Variants in GANC observed in about 807,000 individuals in gnomAD.
GANC encodes neutral alpha-glucosidase C.
A neutral mutation model predicts 124.2 loss-of-function variants in GANC; 117 were observed. The observed-to-expected ratio is 0.94, with a 90% CI of 0.81 to 1.10. The LOEUF (loss-of-function observed/expected upper bound fraction) is 1.10. GANC is among the 50% of genes least tolerant of loss of function. The pLI is 0.00. For synonymous variants in GANC, 377 were observed against 376.8 expected, an observed-to-expected ratio of 1.00 and a Z score of -0.01; for missense variants, 1,140 against 1,095.0, an observed-to-expected ratio of 1.04 and a Z score of -0.58.
In GANC at chr15:42,278,569, A is replaced by G; in HGVS notation, c.180A>G (p.Gln60=). The G allele has an allele frequency of 5.0e-6, 8 of 1,611,290 alleles. No individual in the cohort carries two copies. The highest frequency in any genetic ancestry group is 6.8e-6 in the Non-Finnish European group (8 of 1,178,398). ...VTTDEDSTRF[Q]IINEASKVPL... Reference sequence around the variant, plus strand: ...CAGATGAAGACAGCACCAGGTTCCAAATCATCAATGAAGCAAGTAAGGTGA... The same window carrying G: ...CAGATGAAGACAGCACCAGGTTCCAGATCATCAATGAAGCAAGTAAGGTGA... The change falls in exon 3 of 24, where the codon CAA becomes CAG. Residue 60 remains glutamine (Q), a synonymous_variant. Transcript: ENST00000318010.
chr15:42,319,806 G>A (rs1595777138), intron 10 of GANC, among the ~76,000 whole-genome samples: 1 of 152,240 alleles, frequency 6.6e-6, no homozygotes, highest in African/African-American at 2.4e-5. Context: ...AAACTTACTG[G>A]TTGAGCATCC....
chr15:42,298,240 A>G (rs556814110), intron 6 of GANC, among the ~76,000 whole-genome samples: 1 of 152,338 alleles, frequency 6.6e-6, no homozygotes, highest in South Asian at 2.1e-4. Context: ...CATTTGAAGA[A>G]ATGGAATATG....
rs1187930925 is a variant in GANC, at chr15:42,339,795, T to C, written c.1970T>C (p.Leu657Pro). ...AACACCAAGCGACGAGAGCCCTGGC[T>C]CTTTGGGGAGGAACACACCCGACTC... ...TMNTKRREPW[L>P]FGEEHTRLIR... Residue 657 changes from leucine to proline, a missense_variant, in exon 17 of 24, where the codon CTC becomes CCC. Leu to Pro is a moderately conservative substitution (Grantham distance 98). Transcript: ENST00000318010. 1.2e-6 allele frequency: 2 copies of C among 1,614,018 alleles called. No homozygotes were observed. The highest frequency in any genetic ancestry group is 4.5e-5 in the East Asian group (2 of 44,840).
rs919364524 is a variant in GANC, at chr15:42,273,523, G to T, written c.-959G>T. 3.4e-6 allele frequency: 5 copies of T among 1,466,502 alleles called. No homozygotes were observed. The highest frequency in any genetic ancestry group is 4.5e-6 in the Non-Finnish European group (5 of 1,102,060). 90.8% of individuals were successfully genotyped at this position (1,466,502 alleles called of 1,614,324 possible). On this transcript the variant is annotated 5_prime_UTR_variant, in exon 1 of 24. Transcript: ENST00000318010. ...GGAAACGTCGCGGAGCTTGTTTGCT[G>T]TGCGGCGTAGCGGCCCCTCTCTCAG...
chr15:42,329,893 A>G (rs1398418545), intron 14 of GANC, among the ~76,000 whole-genome samples: 1 of 152,246 alleles, frequency 6.6e-6, no homozygotes. Context: ...CACAGCTTCA[A>G]TAAGTATATT....
chr15:42,312,246 A>T (rs1389975867), intron 10 of GANC, among the ~76,000 whole-genome samples: 3 of 152,210 alleles, frequency 2.0e-5, no homozygotes, highest in Non-Finnish European at 4.4e-5. Context: ...TGAAAAATTT[A>T]TACTTCTTAT....
At chr15:42,345,936 C>G (rs1265678476) in intron 20 of GANC, 104 bp downstream of exon 20, 1 of 767,230 alleles carries the variant, frequency 1.3e-6, no homozygotes, top group Non-Finnish European at 2.2e-6. Flanking sequence ...CCAACAGAAA[C>G]TTATTTTCTC....
intron 4 of GANC, 56 bp from the exon 5 acceptor site, chr15:42,292,679 A>G: frequency 2.0e-6 from 3 of 1,518,564 alleles, no homozygotes; most frequent in East Asian, 2.3e-5. Context: ...TACAAATCAC[A>G]TAGGGCCATG....
intron 15 of GANC, among the ~76,000 whole-genome samples, chr15:42,331,100 A>T (rs994732321): frequency 5.3e-5 from 8 of 152,318 alleles, no homozygotes; most frequent in African/African-American, 1.9e-4. Context: ...CACTCAGCTG[A>T]TGCCTTCCTT....
chr15:42,338,575 A>G, intron 16 of GANC, 85 bp downstream of exon 16: 1 of 949,288 alleles, frequency 1.1e-6, no homozygotes, highest in Non-Finnish European at 1.7e-6. Flanking sequence ...ATCCCTTCTC[A>G]TTAGCTGTTG....
At chr15:42,337,065 A>G (rs1399950412) in intron 15 of GANC, among the ~76,000 whole-genome samples, 1 of 152,252 alleles carries the variant, frequency 6.6e-6, no homozygotes, top group African/African-American at 2.4e-5. Context: ...CATTGTGGAA[A>G]GCAATGTGGT....
At chr15:42,299,127 T>C (rs1275015180) in intron 6 of GANC, among the ~76,000 whole-genome samples, 1 of 152,228 alleles carries the variant, frequency 6.6e-6, no homozygotes, top group Admixed American at 6.5e-5. Context: ...AGAGAGGACA[T>C]CCTTGTCTTG....
intron 7 of GANC, among the ~76,000 whole-genome samples, chr15:42,307,587 T>C (rs1351747227): frequency 6.6e-6 from 1 of 152,204 alleles, no homozygotes; most frequent in Non-Finnish European, 1.5e-5. Flanking sequence ...TACTTTAACC[T>C]AAGCATAAAT....
At chr15:42,323,090 C>A (rs1446940783) in intron 11 of GANC, among the ~76,000 whole-genome samples, 1 of 152,148 alleles carries the variant, frequency 6.6e-6, no homozygotes, top group African/African-American at 2.4e-5. Flanking sequence ...ATTATTCCAT[C>A]CAGCGATGAC....
At chr15:42,323,452 C>T (rs1206702534) in intron 11 of GANC, among the ~76,000 whole-genome samples, 1 of 152,116 alleles carries the variant, frequency 6.6e-6, no homozygotes, top group African/African-American at 2.4e-5. Flanking sequence ...ATCCTCAAGA[C>T]TTAAGCAGGG....
Position 42,353,030 on chromosome 15 carries a change from C to A in GANC, c.*891C>A, listed in dbSNP as rs1052732464. The A allele has an allele frequency of 7.4e-5, 60 of 812,442 alleles. No individual in the cohort carries two copies. In the South Asian group the frequency reaches 8.0e-4, roughly 11 times the overall value. 50.3% of individuals were successfully genotyped at this position (812,442 alleles called of 1,614,324 possible). Reference sequence around the variant, plus strand: ...AAAATCAGAATTAATGCAAAAAAAACCATGATGAACAAAATATTAAAATTT... The same window carrying A: ...AAAATCAGAATTAATGCAAAAAAAAACATGATGAACAAAATATTAAAATTT... On this transcript the variant is annotated 3_prime_UTR_variant, in exon 24 of 24. Coordinates refer to ENST00000318010, the MANE Select transcript of GANC (RefSeq NM_198141.3).
At chr15:42,290,703 G>A (rs1387710538) in intron 4 of GANC, among the ~76,000 whole-genome samples, 1 of 152,146 alleles carries the variant, frequency 6.6e-6, no homozygotes, top group African/African-American at 2.4e-5. Context: ...AGCTACTCAG[G>A]AGGCTGTGGT....
At position 42,330,723 on chromosome 15, in the gene GANC, T is replaced by A. The variant is rs758846250; in HGVS notation, c.1741+51T>A. On this transcript the variant is annotated intron_variant, in intron 15 of 23. Transcript: ENST00000318010. ...AAAAACACATTAGCAACTTTTTTTTTAACCATTTATAGAATGTGATGTTAC... is the reference window on the plus strand; with the variant it reads ...AAAAACACATTAGCAACTTTTTTTTAAACCATTTATAGAATGTGATGTTAC... 1.3e-5 allele frequency: 16 copies of A among 1,216,164 alleles called. No homozygotes were observed. The African/African-American group carries it at 2.0e-4, about 15-fold the overall frequency. The allele number at this position is 1,216,164 out of a possible 1,614,324, so 75.3% of individuals were successfully genotyped here.
chr15:42,324,448 C>G (rs957557803), intron 11 of GANC, among the ~76,000 whole-genome samples: 8 of 152,022 alleles, frequency 5.3e-5, no homozygotes, highest in Non-Finnish European at 1.2e-4. Context: ...CCCAAAGGAA[C>G]TGGAAGCAGG....
Sources: gnomAD v4.1 joint callset for allele counts (sites outside exome capture counted in the v4.1 genomes callset) on GRCh38, gnomAD v4.1.1 for gene constraint, MANE v1.5 for transcripts, NCBI Gene and HGNC (gene_info 2026-07-23, HGNC 2026-07-21) for gene names.